NALCN: variants seen among roughly 807,000 people sequenced by gnomAD.
NALCN encodes sodium leak channel, non-selective.
In NALCN, 111 loss-of-function variants were observed where a neutral mutation model predicts 225.3. The ratio of observed to expected loss-of-function variants is 0.49; its 90% CI spans 0.42 to 0.58. The LOEUF (loss-of-function observed/expected upper bound fraction) is 0.58. NALCN is among the 20% of genes least tolerant of loss of function. The probability of loss-of-function intolerance (pLI) is 0.00; values close to 1 mark genes in which losing one functional copy is unlikely to be tolerated. For missense variants in NALCN, 1,378 were observed against 2,202.4 expected, an observed-to-expected ratio of 0.63 and a Z score of 7.49; for synonymous variants, 764 against 769.0, an observed-to-expected ratio of 0.99 and a Z score of 0.11.
At chr13:101,171,247 CATT>C (rs2038699541) in intron 15 of NALCN, among the ~76,000 whole-genome samples, 2 of 138,438 alleles carry the variant, frequency 1.4e-5, no homozygotes, top group East Asian at 1.9e-4. Flanking sequence ...ATATTACACA[CATT>C]ATGTATAATT....
In NALCN at chr13:101,400,590, T is replaced by TGTGTGTGCGC. The variant is rs1555347181; in HGVS notation, c.-39-1426_-39-1425insGCGCACACAC. 4.2e-5 allele frequency among the ~76,000 whole-genome samples: 6 copies of TGTGTGTGCGC among 142,818 alleles called. No individual in the cohort carries two copies. In the East Asian group the frequency reaches 1.2e-3, roughly 29 times the overall value. The allele number at this position is 142,818 out of a possible 152,430, so 93.7% of individuals were successfully genotyped here. ...GTGTGTGTGTGTGTGTGCACGTGTGTGCGCGCGCACACAGATGCAGTTTTT... is the reference window on the plus strand; with the variant it reads ...GTGTGTGTGTGTGTGTGCACGTGTGTGTGTGTGCGCGCGCGCGCACACAGATGCAGTTTTT... On this transcript the variant is annotated intron_variant, in intron 1 of 43. Transcript: ENST00000251127.
At chr13:101,266,163 T>C (rs753004627) in intron 10 of NALCN, among the ~76,000 whole-genome samples, 2 of 152,176 alleles carry the variant, frequency 1.3e-5, no homozygotes, top group Non-Finnish European at 2.9e-5. Flanking sequence ...GAGTCTAGCC[T>C]GCAGTGGACA....
At chr13:101,198,689 G>A (rs956447243) in intron 13 of NALCN, among the ~76,000 whole-genome samples, 1 of 152,182 alleles carries the variant, frequency 6.6e-6, no homozygotes, top group Non-Finnish European at 1.5e-5. Context: ...TTACACTGTT[G>A]GTGGGACTGC....
chr13:101,206,727 A>AATATATAT (rs3062610), intron 13 of NALCN, among the ~76,000 whole-genome samples: 2 of 147,094 alleles, frequency 1.4e-5, no homozygotes, highest in Admixed American at 6.8e-5. Flanking sequence ...AGGTTTTTTA[A>AATATATAT]ATATATATAT....
chr13:101,131,567 G>A (rs1013453949), intron 17 of NALCN, among the ~76,000 whole-genome samples: 1 of 151,870 alleles, frequency 6.6e-6, no homozygotes, highest in Non-Finnish European at 1.5e-5. Flanking sequence ...TATCACTCTT[G>A]TTCCTGGCCT....
chr13:101,282,553 A>G (rs1285576382), intron 10 of NALCN, among the ~76,000 whole-genome samples: 1 of 152,178 alleles, frequency 6.6e-6, no homozygotes. Context: ...AAGATGGCCA[A>G]GTTCTCAGGA....
intron 13 of NALCN, among the ~76,000 whole-genome samples, chr13:101,224,509 C>G (rs1180877172): frequency 6.6e-6 from 1 of 152,146 alleles, no homozygotes; most frequent in African/African-American, 2.4e-5. Context: ...GCTCTATAAA[C>G]CTTACACAAT....
At chr13:101,400,582 CACGT>C (rs1441900917) in intron 1 of NALCN, among the ~76,000 whole-genome samples, 7,894 of 120,458 alleles carry the variant, frequency 0.066, 696 homozygotes, top group African/African-American at 0.2. Flanking sequence ...TGTGTGTGTG[CACGT>C]GTGTGCGCGC....
intron 6 of NALCN, among the ~76,000 whole-genome samples, chr13:101,372,130 T>C (rs1406285646): frequency 1.3e-5 from 2 of 152,052 alleles, no homozygotes; most frequent in Non-Finnish European, 2.9e-5. Context: ...TTCATGACGA[T>C]AAAAAGGTCA....
chr13:101,387,806 A>C (rs998003152), intron 3 of NALCN, among the ~76,000 whole-genome samples: 2 of 152,178 alleles, frequency 1.3e-5, no homozygotes, highest in African/African-American at 4.8e-5. Flanking sequence ...TTATGATGTA[A>C]CTTAAACACC....
At chr13:101,191,415 AT>A (rs1005658214) in intron 14 of NALCN, among the ~76,000 whole-genome samples, 2 of 151,796 alleles carry the variant, frequency 1.3e-5, no homozygotes, top group African/African-American at 4.8e-5. Context: ...AATGTGTTTT[AT>A]TTTTTTCCAT....
chr13:101,056,618 G>T (rs187124776), intron 43 of NALCN, among the ~76,000 whole-genome samples: 5 of 151,152 alleles, frequency 3.3e-5, no homozygotes, highest in Non-Finnish European at 7.4e-5. Context: ...GAATACCAAG[G>T]ACTGTGCATT....
chr13:101,173,078 G>T (rs750012066), intron 15 of NALCN, among the ~76,000 whole-genome samples: 11 of 152,192 alleles, frequency 7.2e-5, no homozygotes, highest in Non-Finnish European at 1.3e-4. Flanking sequence ...CACCTTGAGT[G>T]GCGTTTGCCA....
At position 101,083,084 on chromosome 13, in the gene NALCN, C is replaced by T. The variant is rs370809179; in HGVS notation, c.3690+8G>A. On this transcript the variant is annotated splice_region_variant and intron_variant, in intron 32 of 43. Coordinates refer to ENST00000251127, the MANE Select transcript of NALCN (RefSeq NM_052867.4). The stretch of plus-strand genomic sequence containing the variant: ...TCATTCCCGGAGTCTTAGGGTGAAA[C>T]GAAGTACCTTGACAGAGAGCAACAC... 32 of 1,613,308 alleles carry T rather than the reference C, an allele frequency of 2.0e-5. 1 individual carries two copies. The highest frequency in any genetic ancestry group is 1.6e-4 in the Middle Eastern group (1 of 6,074).
At chr13:101,199,762 C>T (rs1207983415) in intron 13 of NALCN, among the ~76,000 whole-genome samples, 5 of 151,844 alleles carry the variant, frequency 3.3e-5, no homozygotes, top group Non-Finnish European at 5.9e-5. Context: ...CAAACCTGCA[C>T]GTTGTGCACA....
intron 19 of NALCN, 75 bp downstream of exon 19, chr13:101,111,050 C>A: frequency 6.9e-7 from 1 of 1,451,740 alleles, no homozygotes; most frequent in Non-Finnish European, 9.5e-7. Context: ...ACAGCCGTGA[C>A]TGTGTACAGC....
At chr13:101,308,829 T>C (rs1040631290) in intron 7 of NALCN, among the ~76,000 whole-genome samples, 1 of 152,164 alleles carries the variant, frequency 6.6e-6, no homozygotes, top group Admixed American at 6.6e-5. Context: ...GCTCTTTTTT[T>C]CTCACAAAAG....
At chr13:101,382,203 G>A (rs1196512770) in intron 3 of NALCN, among the ~76,000 whole-genome samples, 2 of 150,010 alleles carry the variant, frequency 1.3e-5, no homozygotes, top group East Asian at 2.0e-4. Context: ...AATTAAACTC[G>A]GTGGAACATT....
intron 7 of NALCN, among the ~76,000 whole-genome samples, chr13:101,334,185 C>T (rs1368368626): frequency 2.0e-5 from 2 of 99,564 alleles, no homozygotes; most frequent in East Asian, 1.0e-3. Flanking sequence ...CGCACGTGTG[C>T]ACACACACAC....
Sources: allele counts gnomAD v4.1 joint callset (sites outside exome capture counted in the v4.1 genomes callset), GRCh38; gene constraint gnomAD v4.1.1; transcripts MANE v1.5; gene names NCBI Gene and HGNC (gene_info 2026-07-23, HGNC 2026-07-21).